Variants in SRGAP1 observed in about 807,000 individuals in gnomAD.
SRGAP1 encodes the protein SLIT-ROBO Rho GTPase activating protein 1, also known as SLIT-ROBO Rho GTPase-activating protein 1.
SRGAP1 carries 43 observed loss-of-function variants against 121.9 expected under a neutral mutation model. The ratio of observed to expected loss-of-function variants is 0.35; its 90% CI spans 0.28 to 0.46. The LOEUF is 0.46. SRGAP1 is among the 20% of genes least tolerant of loss of function. SRGAP1 has a pLI of 1.00. For synonymous variants in SRGAP1, 447 were observed against 485.4 expected (o/e 0.92, Z 1.04); for missense variants, 1,102 against 1,350.9 (o/e 0.82, Z 2.89).
intron 1 of SRGAP1, among the ~76,000 whole-genome samples, chr12:63,893,502 C>T (rs564724384): frequency 6.6e-6 from 1 of 152,296 alleles, no homozygotes; most frequent in African/African-American, 2.4e-5. Context: ...AAGCTGTTCT[C>T]AGCTACAGTC....
chr12:63,976,027 C>T (rs1244439917), intron 1 of SRGAP1, among the ~76,000 whole-genome samples: 5 of 152,162 alleles, frequency 3.3e-5, no homozygotes, highest in Admixed American at 6.5e-5. Flanking sequence ...TCTTCTGAAA[C>T]GTAAGTCTGA....
In SRGAP1 at chr12:64,043,432, T is replaced by C. The variant is rs2035062564; in HGVS notation, c.673-15T>C. The C allele has an allele frequency of 1.0e-5, 16 of 1,603,976 alleles. No homozygotes were observed. Among genetic ancestry groups the C allele is most frequent in the Non-Finnish European group, 1.4e-5 (16 of 1,177,096 alleles). ...TTTGCATTCTTTCCCAATGCCTGGA[T>C]CTTCTTCATTCCAGAGACAAGCAAA... On this transcript the variant is annotated splice_polypyrimidine_tract_variant and intron_variant, in intron 5 of 21. Coordinates refer to ENST00000355086, the MANE Select transcript of SRGAP1 (RefSeq NM_020762.4).
At chr12:64,036,684 A>G (rs1294322183) in intron 4 of SRGAP1, among the ~76,000 whole-genome samples, 1 of 152,206 alleles carries the variant, frequency 6.6e-6, no homozygotes, top group East Asian at 1.9e-4. Context: ...TCATCCCATT[A>G]GTCCAATCCC....
intron 18 of SRGAP1, among the ~76,000 whole-genome samples, chr12:64,123,110 G>T (rs2036629033): frequency 6.6e-6 from 1 of 151,880 alleles, no homozygotes; most frequent in South Asian, 2.1e-4. Flanking sequence ...TCATGTGTTG[G>T]TATCTTTTAA....
intron 1 of SRGAP1, 130 bp from the exon 2 acceptor site, chr12:63,983,797 AATATATATATATATATATAT>A (rs71911661): frequency 0.038 from 2,457 of 64,832 alleles, 67 homozygotes; most frequent in African/African-American, 0.05. Context: ...ATACATTTAA[AATATATATATATATATATAT>A]ATATATATAT....
rs375097867 is a variant in SRGAP1 at position 64,032,159 on chromosome 12, G to A, written c.490-10631G>A. 1.4e-4 allele frequency among the ~76,000 whole-genome samples: 22 copies of A among 152,234 alleles called. No individual in the cohort carries two copies. In the East Asian group the frequency reaches 2.5e-3, roughly 17 times the overall value. On this transcript the variant is annotated intron_variant, in intron 4 of 21. Transcript: ENST00000355086. Reference sequence around the variant, plus strand: ...TTTATTTGGTGAAAAGGAAGAAAAGGGGGAAACAGAACTCTCCCTGGGACA... The same window carrying A: ...TTTATTTGGTGAAAAGGAAGAAAAGAGGGAAACAGAACTCTCCCTGGGACA...
intron 1 of SRGAP1, among the ~76,000 whole-genome samples, chr12:63,951,353 G>A (rs375630261): frequency 2.2e-4 from 33 of 151,676 alleles, no homozygotes; most frequent in South Asian, 4.2e-4. Flanking sequence ...TAGTAGAGAC[G>A]AGGTTTCGCC....
intron 1 of SRGAP1, among the ~76,000 whole-genome samples, chr12:63,916,334 GT>G (rs2030777753): frequency 6.6e-6 from 1 of 152,142 alleles, no homozygotes; most frequent in African/African-American, 2.4e-5. Context: ...CTGAAAGGTT[GT>G]TTTATAATTC....
chr12:63,911,317 A>G (rs1296396369), intron 1 of SRGAP1, among the ~76,000 whole-genome samples: 1 of 145,948 alleles, frequency 6.9e-6, no homozygotes, highest in Non-Finnish European at 1.5e-5. Context: ...AAAAAAAAAA[A>G]GAAAAGAAAA....
chr12:63,924,953 G>A (rs9668434), intron 1 of SRGAP1, among the ~76,000 whole-genome samples: 8,699 of 152,122 alleles, frequency 0.057, 801 homozygotes, highest in African/African-American at 0.19. Context: ...AAATGAGATC[G>A]CAACTTAAGC....
intron 14 of SRGAP1, among the ~76,000 whole-genome samples, chr12:64,096,884 C>T (rs923801231): frequency 6.6e-6 from 1 of 152,136 alleles, no homozygotes; most frequent in South Asian, 2.1e-4. Flanking sequence ...GGGTAAGAAA[C>T]ACAGGATGTA....
intron 18 of SRGAP1, 156 bp downstream of exon 18, chr12:64,116,049 G>A: frequency 1.6e-6 from 1 of 614,536 alleles, no homozygotes; most frequent in Non-Finnish European, 2.8e-6. Flanking sequence ...GAGCCCAGGA[G>A]TTCAACACCA....
intron 1 of SRGAP1, among the ~76,000 whole-genome samples, chr12:63,950,548 C>G (rs901723320): frequency 3.3e-5 from 5 of 152,146 alleles, no homozygotes; most frequent in African/African-American, 1.2e-4. Context: ...CTCTCCAGCT[C>G]ATGACATGCT....
At chr12:63,976,921 G>A (rs537304546) in intron 1 of SRGAP1, among the ~76,000 whole-genome samples, 3 of 151,998 alleles carry the variant, frequency 2.0e-5, no homozygotes, top group Admixed American at 6.5e-5. Flanking sequence ...ATTAAGTAGC[G>A]TACATCCTGA....
At chr12:63,935,278 A>C (rs1249484710) in intron 1 of SRGAP1, among the ~76,000 whole-genome samples, 1 of 152,220 alleles carries the variant, frequency 6.6e-6, no homozygotes. Flanking sequence ...TAATTTAAGA[A>C]AACTCTGTTG....
chr12:63,948,705 T>C (rs1383809382), intron 1 of SRGAP1, among the ~76,000 whole-genome samples: 1 of 151,070 alleles, frequency 6.6e-6, no homozygotes, highest in East Asian at 1.9e-4. Flanking sequence ...GCATTTTACT[T>C]GTGTTTACAG....
intron 6 of SRGAP1, among the ~76,000 whole-genome samples, chr12:64,057,215 T>C (rs1472009695): frequency 6.6e-6 from 1 of 152,232 alleles, no homozygotes; most frequent in Non-Finnish European, 1.5e-5. Context: ...ATGTGCCATT[T>C]TGATCTTTTC....
chr12:63,990,301 A>G (rs1010992681), intron 3 of SRGAP1, among the ~76,000 whole-genome samples: 4 of 152,228 alleles, frequency 2.6e-5, no homozygotes, highest in Non-Finnish European at 5.9e-5. Flanking sequence ...TGGGAGGCTG[A>G]GGCGGGTGGA....
chr12:63,845,631 G>GATTA (rs58075749), intron 1 of SRGAP1, among the ~76,000 whole-genome samples: 41,214 of 151,802 alleles, frequency 0.27, 6,530 homozygotes, highest in East Asian at 0.53. Flanking sequence ...AATTAAGGCT[G>GATTA]ATTATTTTTA....
Sources: gnomAD v4.1 joint callset for allele counts (sites outside exome capture counted in the v4.1 genomes callset) on GRCh38, gnomAD v4.1.1 for gene constraint, MANE v1.5 for transcripts, NCBI Gene and HGNC (gene_info 2026-07-23, HGNC 2026-07-21) for gene names.